The following MYRIP variants were observed in gnomAD, a reference collection of about 807,000 sequenced individuals.
The protein encoded by MYRIP is rab effector MyRIP.
Under a neutral mutation model 98.0 loss-of-function variants are expected in MYRIP, and 49 were observed. That is an observed-to-expected ratio of 0.50 (90% CI 0.40 to 0.63). MYRIP has a LOEUF of 0.63. Among genes scored for constraint, MYRIP ranks in the 30% least tolerant of loss-of-function variants. The pLI is 0.00. For synonymous variants in MYRIP, 404 were observed against 409.5 expected (o/e 0.99, Z 0.16); for missense variants, 1,004 against 1,058.2 (o/e 0.95, Z 0.71).
At chr3:39,956,017 G>C (rs906020200) in intron 2 of MYRIP, among the ~76,000 whole-genome samples, 5 of 152,168 alleles carry the variant, frequency 3.3e-5, no homozygotes, top group Non-Finnish European at 7.3e-5. Context: ...GGAGCACCCA[G>C]ATTCATAAAG....
At chr3:39,811,653 A>G (rs909335969) in intron 1 of MYRIP, among the ~76,000 whole-genome samples, 1 of 149,626 alleles carries the variant, frequency 6.7e-6, no homozygotes, top group Non-Finnish European at 1.5e-5. Flanking sequence ...CTGTTTCTGG[A>G]GAGTGGGGGG....
At chr3:40,171,730 T>C (rs1400738515) in intron 8 of MYRIP, among the ~76,000 whole-genome samples, 2 of 152,250 alleles carry the variant, frequency 1.3e-5, no homozygotes, top group African/African-American at 4.8e-5. Context: ...AAAGGATGGC[T>C]CCAAGGATTC....
At chr3:40,119,971 A>C (rs950027607) in intron 3 of MYRIP, among the ~76,000 whole-genome samples, 7 of 152,084 alleles carry the variant, frequency 4.6e-5, no homozygotes, top group Admixed American at 2.0e-4. Flanking sequence ...AAAAGAGAGG[A>C]TATTGGCTTC....
intron 2 of MYRIP, among the ~76,000 whole-genome samples, chr3:40,033,233 G>A (rs1460680052): frequency 3.5e-5 from 5 of 144,922 alleles, no homozygotes; most frequent in African/African-American, 1.3e-4. Context: ...AATTAGCCAG[G>A]AGAAGGAAAT....
At chr3:40,020,797 T>G (rs1946974148) in intron 2 of MYRIP, among the ~76,000 whole-genome samples, 5 of 152,310 alleles carry the variant, frequency 3.3e-5, no homozygotes, top group Admixed American at 3.3e-4. Context: ...TTCTCAAAAC[T>G]GTTGGCAGTG....
At chr3:40,052,981 G>T (rs1156465634) in intron 3 of MYRIP, among the ~76,000 whole-genome samples, 2 of 152,084 alleles carry the variant, frequency 1.3e-5, no homozygotes, top group Non-Finnish European at 2.9e-5. Flanking sequence ...ATGATATTAG[G>T]AGTAATCATT....
chr3:40,145,231 T>C (rs1949983991), intron 3 of MYRIP, among the ~76,000 whole-genome samples: 1 of 152,144 alleles, frequency 6.6e-6, no homozygotes, highest in African/African-American at 2.4e-5. Flanking sequence ...CACTGTACCC[T>C]GTGAGAATTA....
chr3:39,947,431 A>G (rs1037644163), intron 2 of MYRIP, among the ~76,000 whole-genome samples: 7 of 152,126 alleles, frequency 4.6e-5, no homozygotes, highest in South Asian at 2.1e-4. Flanking sequence ...GTATTAAAAA[A>G]CCTCCCAATA....
In MYRIP at chr3:40,067,136, T is replaced by C. The variant is rs559424287; in HGVS notation, c.332+22865T>C. On this transcript the variant is annotated intron_variant, in intron 3 of 16. Transcript: ENST00000302541. ...ATAAATAAGCATTTGCTATTGATTG[T>C]CAGAGATTATTAAAGTTGAGAATAG... is the stretch of plus-strand genomic sequence containing the variant. Among the ~76,000 whole-genome samples the C allele has an allele frequency of 3.9e-5, 6 of 152,324 alleles. No individual in the cohort carries two copies. The East Asian group carries it at 1.2e-3, about 29-fold the overall frequency.
At chr3:39,945,201 G>C (rs901917884) in intron 2 of MYRIP, among the ~76,000 whole-genome samples, 1 of 151,144 alleles carries the variant, frequency 6.6e-6, no homozygotes. Flanking sequence ...TGGGCACAGC[G>C]GGTCATGCCT....
intron 2 of MYRIP, among the ~76,000 whole-genome samples, chr3:39,971,880 T>C (rs1183914970): frequency 6.6e-6 from 1 of 152,126 alleles, no homozygotes; most frequent in African/African-American, 2.4e-5. Flanking sequence ...CTATGAATGA[T>C]TCATGTGCCA....
At chr3:39,939,878 T>G (rs964565723) in intron 2 of MYRIP, among the ~76,000 whole-genome samples, 10 of 152,088 alleles carry the variant, frequency 6.6e-5, no homozygotes, top group Admixed American at 6.6e-4. Flanking sequence ...AGAAGTAGAA[T>G]TTAGGAGAGT....
intron 2 of MYRIP, among the ~76,000 whole-genome samples, chr3:39,979,655 CA>C (rs56328162): frequency 0.25 from 33,022 of 131,054 alleles, 3,553 homozygotes; most frequent in Non-Finnish European, 0.26. Flanking sequence ...CAAAACAAAA[CA>C]AAAAAAAAAA....
chr3:40,086,643 C>T (rs1948633624), intron 3 of MYRIP, among the ~76,000 whole-genome samples: 1 of 152,220 alleles, frequency 6.6e-6, no homozygotes, highest in African/African-American at 2.4e-5. Context: ...CCAACCCTAT[C>T]AGCAGGCATT....
chr3:40,122,626 C>T (rs1164039985), intron 3 of MYRIP, among the ~76,000 whole-genome samples: 6 of 151,768 alleles, frequency 4.0e-5, no homozygotes, highest in African/African-American at 1.4e-4. Context: ...CTTAGTACAA[C>T]TTTTTCTCAT....
Position 39,951,809 on chromosome 3 carries a change from T to G in MYRIP, c.110+50883T>G, listed in dbSNP as rs187425642. On this transcript the variant is annotated intron_variant, in intron 2 of 16. Transcript: ENST00000302541. ...AAGTTCTCTACTTTGACTAAAATGC[T>G]TCTCTCATAGACAGGGAAGAGGTTT... Among the ~76,000 whole-genome samples, 13 of 152,286 alleles carry G rather than the reference T, an allele frequency of 8.5e-5. No homozygotes were observed. The East Asian group carries it at 2.5e-3, about 29-fold the overall frequency.
At chr3:39,979,199 G>A (rs970351384) in intron 2 of MYRIP, among the ~76,000 whole-genome samples, 4 of 152,026 alleles carry the variant, frequency 2.6e-5, no homozygotes, top group Admixed American at 6.6e-5. Context: ...TGCTTAGGCT[G>A]GCTTTGAACT....
At chr3:40,199,721 ATCTTTTTAGGCATAGAGGAT>A (rs1045922418) in intron 10 of MYRIP, among the ~76,000 whole-genome samples, 6 of 152,188 alleles carry the variant, frequency 3.9e-5, no homozygotes, top group African/African-American at 1.4e-4. Context: ...TGATTTTCAA[ATCTTTTTAGGCATAGAGGAT>A]TCCCTTAAAT....
At chr3:40,039,297 C>G (rs1947457617) in intron 2 of MYRIP, among the ~76,000 whole-genome samples, 2 of 152,140 alleles carry the variant, frequency 1.3e-5, no homozygotes, top group Non-Finnish European at 2.9e-5. Context: ...TGAAAACAAT[C>G]TTCATCAGTG....
Sources: allele counts gnomAD v4.1 joint callset (sites outside exome capture counted in the v4.1 genomes callset), GRCh38; gene constraint gnomAD v4.1.1; transcripts MANE v1.5; gene names NCBI Gene and HGNC (gene_info 2026-07-23, HGNC 2026-07-21).